Variants in CCDC102B observed in about 807,000 individuals in gnomAD.
CCDC102B encodes the protein coiled-coil domain-containing protein 102B.
A neutral mutation model predicts 57.4 loss-of-function variants in CCDC102B; 75 were observed. That is an observed-to-expected ratio of 1.31 (90% CI 1.08 to 1.58). The LOEUF (loss-of-function observed/expected upper bound fraction) is 1.58. Among genes scored for constraint, CCDC102B ranks in the 40% most tolerant of loss-of-function variants. The pLI is 0.00. For missense variants in CCDC102B, 636 were observed against 582.6 expected (o/e 1.09, Z -0.94); for synonymous variants, 206 against 201.9 (o/e 1.02, Z -0.17).
In CCDC102B at chr18:68,918,335, AT is replaced by A. The variant is rs918104113; in HGVS notation, c.1263+20915del. Among the ~76,000 whole-genome samples the A allele has an allele frequency of 7.6e-4, 115 of 151,798 alleles. 1 individual carries two copies. The highest frequency in any genetic ancestry group is 4.3e-4 in the Non-Finnish European group (29 of 67,924). The stretch of plus-strand genomic sequence containing the variant: ...CTGACTTCCGCTTTAACATTCACTG[AT>A]TTTTTTTCTCTACAATTAACTCCGT... On this transcript the variant is annotated intron_variant, in intron 6 of 7. Transcript: ENST00000360242.
chr18:69,021,728 T>A (rs1476590028), intron 7 of CCDC102B, among the ~76,000 whole-genome samples: 1 of 152,182 alleles, frequency 6.6e-6, no homozygotes, highest in South Asian at 2.1e-4. Context: ...ACACCCCAAC[T>A]GGAGTAGATG....
intron 4 of CCDC102B, among the ~76,000 whole-genome samples, chr18:68,855,389 A>G (rs2038336483): frequency 6.6e-6 from 1 of 152,198 alleles, no homozygotes; most frequent in Non-Finnish European, 1.5e-5. Context: ...AAGATTTAAA[A>G]TTTAGTTAGA....
chr18:68,798,604 T>C (rs913757271), intron 1 of CCDC102B, among the ~76,000 whole-genome samples: 2 of 152,150 alleles, frequency 1.3e-5, no homozygotes, highest in African/African-American at 4.8e-5. Context: ...GAAATCCTCC[T>C]ATCTATGCCT....
At chr18:68,777,242 G>A (rs1184608357) in intron 2 of CCDC102B, among the ~76,000 whole-genome samples, 1 of 152,140 alleles carries the variant, frequency 6.6e-6, no homozygotes, top group East Asian at 1.9e-4. Flanking sequence ...ACATGTCTTT[G>A]CTGTATCTTT....
intron 4 of CCDC102B, among the ~76,000 whole-genome samples, chr18:68,866,131 A>T (rs933434405): frequency 3.3e-5 from 5 of 152,236 alleles, no homozygotes; most frequent in African/African-American, 1.2e-4. Context: ...TTTAATAATT[A>T]TCCAAATATG....
intron 6 of CCDC102B, among the ~76,000 whole-genome samples, chr18:68,911,058 C>T (rs759411423): frequency 1.1e-4 from 17 of 152,240 alleles, no homozygotes; most frequent in Middle Eastern, 6.8e-3. Flanking sequence ...ACAGAACCGC[C>T]GTTCAACCAG....
intron 6 of CCDC102B, among the ~76,000 whole-genome samples, chr18:68,956,105 G>T (rs2049839104): frequency 6.6e-6 from 1 of 151,102 alleles, no homozygotes. Flanking sequence ...TTAACAAAAT[G>T]ACCTCCAGTT....
At chr18:68,715,238 G>A (rs984385199) in exon 1 of CCDC102B, 26 of 1,345,916 alleles carry the variant, frequency 1.9e-5, no homozygotes, top group Middle Eastern at 2.8e-4. Flanking sequence ...CGCTCTCGGT[G>A]CCCCCCTCCA....
chr18:68,911,101 A>G (rs1484663421), intron 6 of CCDC102B, among the ~76,000 whole-genome samples: 1 of 152,214 alleles, frequency 6.6e-6, no homozygotes, highest in Non-Finnish European at 1.5e-5. Context: ...ACCCAAAGGA[A>G]TATAAATCAT....
chr18:69,023,005 A>T (rs1477268288), intron 7 of CCDC102B, among the ~76,000 whole-genome samples: 1 of 152,078 alleles, frequency 6.6e-6, no homozygotes, highest in Non-Finnish European at 1.5e-5. Flanking sequence ...AAAATAGAAA[A>T]GCAGGAGATA....
At chr18:68,743,039 G>T (rs1233515052) in intron 2 of CCDC102B, among the ~76,000 whole-genome samples, 1 of 151,990 alleles carries the variant, frequency 6.6e-6, no homozygotes, top group African/African-American at 2.4e-5. Flanking sequence ...TAATGGGTTA[G>T]ACATCCTGAC....
At chr18:68,844,297 A>G (rs1055488954) in intron 3 of CCDC102B, among the ~76,000 whole-genome samples, 1 of 151,850 alleles carries the variant, frequency 6.6e-6, no homozygotes, top group African/African-American at 2.4e-5. Flanking sequence ...CCATTCTATT[A>G]TAAATAAAAT....
chr18:68,888,084 C>T (rs917729370), intron 5 of CCDC102B, among the ~76,000 whole-genome samples: 1 of 151,928 alleles, frequency 6.6e-6, no homozygotes, highest in South Asian at 2.1e-4. Context: ...CAGACAGTAA[C>T]CTTAAAAGAT....
chr18:69,007,697 A>G (rs1265105029), intron 6 of CCDC102B, among the ~76,000 whole-genome samples: 1 of 152,192 alleles, frequency 6.6e-6, no homozygotes, highest in East Asian at 1.9e-4. Context: ...GGTATGACTT[A>G]TTGAGAATAT....
chr18:68,816,348 A>C (rs1481198586), intron 1 of CCDC102B, among the ~76,000 whole-genome samples: 1 of 152,064 alleles, frequency 6.6e-6, no homozygotes, highest in Non-Finnish European at 1.5e-5. Flanking sequence ...AAATCACTCC[A>C]GTTTTATGGT....
upstream of CCDC102B, among the ~76,000 whole-genome samples, chr18:68,793,699 G>A (rs1226922973): frequency 6.6e-6 from 1 of 152,046 alleles, no homozygotes; most frequent in East Asian, 1.9e-4. Flanking sequence ...CCAACCAGCT[G>A]TCAGCTTTGT....
intron 3 of CCDC102B, 120 bp downstream of exon 3, chr18:68,839,046 A>G (rs888363613): frequency 2.4e-6 from 2 of 842,426 alleles, no homozygotes; most frequent in Admixed American, 2.2e-5. Flanking sequence ...ATTAAGTTTT[A>G]GGATTTAAAG....
rs1229345595 is a variant in CCDC102B, at chr18:69,010,253, G to A, written c.1264-681G>A. Among the ~76,000 whole-genome samples the A allele has an allele frequency of 3.3e-5, 5 of 151,174 alleles. No individual in the cohort carries two copies. In the South Asian group the frequency reaches 8.4e-4, roughly 25 times the overall value. ...CACCACACCTGGCCCCAATAAAGAC[G>A]TTTTCTATAATGATAGTACAATTTA... On this transcript the variant is annotated intron_variant, in intron 6 of 7. Transcript: ENST00000360242.
At chr18:68,745,754 C>G (rs933246817) in intron 2 of CCDC102B, among the ~76,000 whole-genome samples, 1 of 152,164 alleles carries the variant, frequency 6.6e-6, no homozygotes, top group African/African-American at 2.4e-5. Flanking sequence ...CTTTTCCAGA[C>G]TCTAGTAACC....
Sources: allele counts gnomAD v4.1 joint callset (sites outside exome capture counted in the v4.1 genomes callset), GRCh38; gene constraint gnomAD v4.1.1; transcripts MANE v1.5; gene names NCBI Gene and HGNC (gene_info 2026-07-23, HGNC 2026-07-21).